Variants in NRG3 observed in about 807,000 individuals in gnomAD.
NRG3 encodes the protein pro-neuregulin-3, membrane-bound isoform.
In NRG3, 31 loss-of-function variants were observed where a neutral mutation model predicts 66.9. The ratio of observed to expected loss-of-function variants is 0.46; its 90% CI spans 0.35 to 0.63. NRG3 has a LOEUF of 0.63. NRG3 is among the 20% of genes least tolerant of loss of function. The pLI is 0.00. For synonymous variants in NRG3, 393 were observed against 359.4 expected, an observed-to-expected ratio of 1.09 and a Z score of -1.06; for missense variants, 910 against 878.9, an observed-to-expected ratio of 1.04 and a Z score of -0.45.
chr10:82,775,116 G>A (rs11195900), intron 3 of NRG3, among the ~76,000 whole-genome samples: 18,913 of 151,514 alleles, frequency 0.12, 1,412 homozygotes, highest in African/African-American at 0.21. Context: ...GTGAGCCACC[G>A]TGCCCAGCCT....
chr10:82,186,037 G>A (rs1017441897), intron 1 of NRG3, among the ~76,000 whole-genome samples: 2 of 152,086 alleles, frequency 1.3e-5, no homozygotes, highest in African/African-American at 4.8e-5. Flanking sequence ...TCAGCAGAAA[G>A]CTTATCATTT....
chr10:82,686,760 T>C (rs2054546205), intron 2 of NRG3, among the ~76,000 whole-genome samples: 1 of 152,206 alleles, frequency 6.6e-6, no homozygotes, highest in African/African-American at 2.4e-5. Flanking sequence ...CCAGTAGCCC[T>C]CCGTTTTGAC....
intron 2 of NRG3, among the ~76,000 whole-genome samples, chr10:82,699,750 T>A (rs1490020753): frequency 6.6e-6 from 1 of 152,098 alleles, no homozygotes; most frequent in East Asian, 1.9e-4. Flanking sequence ...CTATGGTCCA[T>A]GGCCCCAGTA....
chr10:81,952,105 G>A (rs9988782), intron 1 of NRG3, among the ~76,000 whole-genome samples: 6 of 152,022 alleles, frequency 3.9e-5, no homozygotes, highest in East Asian at 1.9e-4. Flanking sequence ...GTGGGGGAAG[G>A]GGGGAGGGAT....
chr10:82,398,516 T>A (rs1484123839), intron 2 of NRG3, among the ~76,000 whole-genome samples: 2 of 145,642 alleles, frequency 1.4e-5, no homozygotes, highest in African/African-American at 5.3e-5. Flanking sequence ...TGTGTGTGTG[T>A]GTGTGTGTGT....
chr10:82,165,194 A>G (rs1043567591), intron 1 of NRG3, among the ~76,000 whole-genome samples: 2 of 152,108 alleles, frequency 1.3e-5, no homozygotes, highest in Non-Finnish European at 2.9e-5. Context: ...TAGCTTTTCA[A>G]TAAATCTTGA....
At chr10:82,442,972 C>T (rs919782251) in intron 2 of NRG3, among the ~76,000 whole-genome samples, 2 of 151,560 alleles carry the variant, frequency 1.3e-5, no homozygotes, top group African/African-American at 2.4e-5. Context: ...GGGAGACAGC[C>T]GCTAGAATAA....
intron 3 of NRG3, among the ~76,000 whole-genome samples, chr10:82,843,638 G>A (rs2063168507): frequency 6.6e-6 from 1 of 152,110 alleles, no homozygotes; most frequent in Admixed American, 6.5e-5. Flanking sequence ...TCTAAAGACA[G>A]ATGTTAGGTG....
At chr10:82,286,998 T>A (rs2079452968) in intron 1 of NRG3, among the ~76,000 whole-genome samples, 1 of 152,040 alleles carries the variant, frequency 6.6e-6, no homozygotes. Context: ...AGGGAGCAAG[T>A]GAGAAGAGTT....
At chr10:82,488,029 A>G (rs1730677458) in intron 2 of NRG3, among the ~76,000 whole-genome samples, 1 of 152,224 alleles carries the variant, frequency 6.6e-6, no homozygotes, top group East Asian at 1.9e-4. Context: ...AAGGCTATTG[A>G]AAATAAGAAA....
chr10:82,474,625 C>T (rs2132084517), intron 2 of NRG3, among the ~76,000 whole-genome samples: 1 of 151,994 alleles, frequency 6.6e-6, no homozygotes, highest in East Asian at 1.9e-4. Context: ...GATGTGTGGG[C>T]CATTACCAAG....
intron 4 of NRG3, among the ~76,000 whole-genome samples, chr10:82,933,870 T>G (rs1490974993): frequency 6.6e-6 from 1 of 152,162 alleles, no homozygotes; most frequent in Non-Finnish European, 1.5e-5. Context: ...ATAGAGTGTA[T>G]TAACAGAAAT....
chr10:82,668,643 C>A (rs1288592155), intron 2 of NRG3, among the ~76,000 whole-genome samples: 1 of 152,142 alleles, frequency 6.6e-6, no homozygotes, highest in Non-Finnish European at 1.5e-5. Context: ...TATTTAGGAC[C>A]AAGTTTCCAT....
intron 1 of NRG3, among the ~76,000 whole-genome samples, chr10:82,059,205 A>G (rs1411036393): frequency 1.3e-5 from 2 of 152,210 alleles, no homozygotes; most frequent in Non-Finnish European, 2.9e-5. Flanking sequence ...ATGTGATCAA[A>G]TCTGTATTTT....
intron 4 of NRG3, among the ~76,000 whole-genome samples, chr10:82,892,520 G>T (rs557902588): frequency 6.6e-6 from 1 of 151,876 alleles, no homozygotes; most frequent in Non-Finnish European, 1.5e-5. Flanking sequence ...TTAAAAATTA[G>T]CCATGAGTGG....
intron 2 of NRG3, among the ~76,000 whole-genome samples, chr10:82,459,191 T>C (rs1307516633): frequency 6.6e-6 from 1 of 152,216 alleles, no homozygotes; most frequent in Non-Finnish European, 1.5e-5. Context: ...GTGAGCCACA[T>C]CTTCCATCAC....
chr10:82,902,930 T>C (rs547580625), intron 4 of NRG3, among the ~76,000 whole-genome samples: 25 of 152,186 alleles, frequency 1.6e-4, no homozygotes, highest in Non-Finnish European at 3.1e-4. Context: ...TCTTTAAAAA[T>C]TCACAGGTGA....
intron 2 of NRG3, among the ~76,000 whole-genome samples, chr10:82,723,566 A>G (rs2057425163): frequency 6.6e-6 from 1 of 152,254 alleles, no homozygotes; most frequent in Admixed American, 6.5e-5. Flanking sequence ...CATTTTGCCA[A>G]TAAAAGTAAT....
At position 82,475,152 on chromosome 10, in the gene NRG3, A is replaced by G. The variant is rs112821961; in HGVS notation, c.953+116284A>G. On this transcript the variant is annotated intron_variant, in intron 2 of 8. Coordinates refer to ENST00000372141, the MANE Select transcript of NRG3 (RefSeq NM_001010848.4). ...AACAGAAAAAGAATAGAAAAAATAT[A>G]TATAAATGAAACAATGAGTTGGTTC... 4.4e-3 allele frequency among the ~76,000 whole-genome samples: 667 copies of G among 152,140 alleles called. 5 individuals are homozygous for G. Among genetic ancestry groups the G allele is most frequent in the African/African-American group, 0.015 (644 of 41,562 alleles).
Sources: allele counts gnomAD v4.1 joint callset (sites outside exome capture counted in the v4.1 genomes callset), GRCh38; gene constraint gnomAD v4.1.1; transcripts MANE v1.5; gene names NCBI Gene and HGNC (gene_info 2026-07-23, HGNC 2026-07-21).